SEMA5A: variants seen among roughly 807,000 people sequenced by gnomAD.
The protein encoded by SEMA5A is semaphorin-5A.
SEMA5A carries 55 observed loss-of-function variants against 135.5 expected under a neutral mutation model. That is an observed-to-expected ratio of 0.41 (90% CI 0.33 to 0.51). The LOEUF is 0.51. Ranked by LOEUF, SEMA5A falls within the 20% of genes least tolerant of loss-of-function variation. The probability of loss-of-function intolerance (pLI) is 0.37; values close to 1 mark genes in which losing one functional copy is unlikely to be tolerated. For missense variants in SEMA5A, 1,290 were observed against 1,419.9 expected, an observed-to-expected ratio of 0.91 and a Z score of 1.47; for synonymous variants, 580 against 546.5, an observed-to-expected ratio of 1.06 and a Z score of -0.85.
At chr5:9,308,577 G>A (rs1241067382) in intron 5 of SEMA5A, among the ~76,000 whole-genome samples, 1 of 151,992 alleles carries the variant, frequency 6.6e-6, no homozygotes, top group Admixed American at 6.6e-5. Flanking sequence ...TGTTTCCAGG[G>A]TACCAAACCT....
intron 5 of SEMA5A, among the ~76,000 whole-genome samples, chr5:9,242,917 T>C (rs761748361): frequency 6.6e-6 from 1 of 152,226 alleles, no homozygotes; most frequent in Non-Finnish European, 1.5e-5. Flanking sequence ...ACTTTAGAAA[T>C]ACCTATGAAA....
chr5:9,281,823 CTT>C (rs66509315), intron 5 of SEMA5A, among the ~76,000 whole-genome samples: 1,669 of 121,678 alleles, frequency 0.014, 13 homozygotes, highest in Middle Eastern at 0.037. Flanking sequence ...GATACAGGCA[CTT>C]TTTTTTTTTT....
At chr5:9,211,983 C>G (rs1286753605) in intron 8 of SEMA5A, among the ~76,000 whole-genome samples, 1 of 152,166 alleles carries the variant, frequency 6.6e-6, no homozygotes, top group African/African-American at 2.4e-5. Context: ...CCTGGGAGAA[C>G]TCAGTGGGAT....
intron 4 of SEMA5A, among the ~76,000 whole-genome samples, chr5:9,322,106 T>C (rs1041574894): frequency 3.9e-5 from 6 of 152,166 alleles, no homozygotes; most frequent in African/African-American, 9.7e-5. Flanking sequence ...GTGTTTTCCA[T>C]AGAAGAAGAT....
At chr5:9,544,572 T>C (rs1278785508) in intron 1 of SEMA5A, among the ~76,000 whole-genome samples, 3 of 151,798 alleles carry the variant, frequency 2.0e-5, no homozygotes, top group Non-Finnish European at 2.9e-5. Flanking sequence ...GTTTGTTGCC[T>C]GGGACTCCCG....
At chr5:9,367,342 T>C (rs895261618) in intron 3 of SEMA5A, 2 of 152,128 alleles carry the variant, frequency 1.3e-5, no homozygotes, top group East Asian at 1.9e-4. Flanking sequence ...CTGTTTCTAA[T>C]TGTAGGAACA....
chr5:9,191,239 A>G (rs1481394018), intron 10 of SEMA5A, among the ~76,000 whole-genome samples: 1 of 152,176 alleles, frequency 6.6e-6, no homozygotes, highest in Non-Finnish European at 1.5e-5. Flanking sequence ...ATGGAGATGA[A>G]CCTGGGATAT....
intron 4 of SEMA5A, among the ~76,000 whole-genome samples, chr5:9,337,430 T>C (rs1383590482): frequency 2.0e-5 from 3 of 152,206 alleles, no homozygotes; most frequent in African/African-American, 7.2e-5. Flanking sequence ...GCAATGTTGA[T>C]AGTACCTACC....
At chr5:9,159,355 T>C (rs1393381490) in intron 11 of SEMA5A, among the ~76,000 whole-genome samples, 1 of 152,198 alleles carries the variant, frequency 6.6e-6, no homozygotes, top group Non-Finnish European at 1.5e-5. Context: ...GTGCTTTGAT[T>C]GCATTGTCCT....
At chr5:9,184,329 G>A (rs972200037) in intron 11 of SEMA5A, among the ~76,000 whole-genome samples, 7 of 151,250 alleles carry the variant, frequency 4.6e-5, no homozygotes, top group African/African-American at 1.7e-4. Flanking sequence ...CCTGGCTAGT[G>A]TTCCTTTATT....
At chr5:9,487,565 C>T (rs1561292135) in intron 1 of SEMA5A, among the ~76,000 whole-genome samples, 1 of 152,028 alleles carries the variant, frequency 6.6e-6, no homozygotes, top group East Asian at 1.9e-4. Context: ...GGTTAGAATT[C>T]CATAATAATT....
chr5:9,459,922 T>G (rs1175009658), intron 1 of SEMA5A, among the ~76,000 whole-genome samples: 2 of 152,236 alleles, frequency 1.3e-5, no homozygotes, highest in African/African-American at 4.8e-5. Context: ...AATCAGGCAT[T>G]GCAGATAACT....
At chr5:9,086,324 G>A (rs1738686414) in intron 16 of SEMA5A, among the ~76,000 whole-genome samples, 1 of 152,108 alleles carries the variant, frequency 6.6e-6, no homozygotes, top group Non-Finnish European at 1.5e-5. Context: ...ATCTCATCTT[G>A]TAGCTCCCAT....
chr5:9,282,853 T>A (rs375684818), intron 5 of SEMA5A, among the ~76,000 whole-genome samples: 1 of 152,144 alleles, frequency 6.6e-6, no homozygotes, highest in Non-Finnish European at 1.5e-5. Flanking sequence ...TTATGCTTCA[T>A]GGCAAGGGGG....
chr5:9,433,755 C>A lies in SEMA5A; in HGVS notation c.-78+4001G>T, dbSNP rs144599501. Reference sequence around the variant, plus strand: ...AAATTGACTAAAACAATTAATAATACTACTCAAAGTTTTTGAGTAATGATA... The same window carrying A: ...AAATTGACTAAAACAATTAATAATAATACTCAAAGTTTTTGAGTAATGATA... On this transcript the variant is annotated intron_variant, in intron 2 of 22. Coordinates refer to ENST00000382496, the MANE Select transcript of SEMA5A (RefSeq NM_003966.3). Among the ~76,000 whole-genome samples the A allele has an allele frequency of 5.9e-3, 898 of 151,846 alleles. 10 individuals carry two copies. Among genetic ancestry groups the A allele is most frequent in the African/African-American group, 0.02 (846 of 41,440 alleles).
rs561016248 is a variant in SEMA5A at position 9,479,967 on chromosome 5, A to G, written c.-174-42115T>C. On this transcript the variant is annotated intron_variant, in intron 1 of 22. Coordinates refer to ENST00000382496, the MANE Select transcript of SEMA5A (RefSeq NM_003966.3). ...AAAGAATGAATGAACTGCCCACCTA[A>G]GAAATCCTCTGATAAATGTTCTTTT... Among the ~76,000 whole-genome samples, 29 of 152,358 alleles carry G rather than the reference A, an allele frequency of 1.9e-4. 1 individual carries two copies. The highest frequency in any genetic ancestry group is 1.7e-3 in the South Asian group (8 of 4,832).
chr5:9,515,421 G>A (rs577279982), intron 1 of SEMA5A, among the ~76,000 whole-genome samples: 10 of 152,276 alleles, frequency 6.6e-5, no homozygotes, highest in African/African-American at 2.4e-4. Flanking sequence ...TTAACATAGG[G>A]CAGCTTAATT....
intron 8 of SEMA5A, among the ~76,000 whole-genome samples, chr5:9,206,680 A>G (rs1579613162): frequency 6.6e-6 from 1 of 152,002 alleles, no homozygotes; most frequent in East Asian, 2.0e-4. Context: ...AAAGGCACAA[A>G]GGAATCCCAA....
At chr5:9,447,460 A>G (rs1758475329) in intron 1 of SEMA5A, among the ~76,000 whole-genome samples, 1 of 152,222 alleles carries the variant, frequency 6.6e-6, no homozygotes, top group Non-Finnish European at 1.5e-5. Context: ...CTCCTGAATC[A>G]GTCCCAATGA....
Sources: allele counts gnomAD v4.1 joint callset (sites outside exome capture counted in the v4.1 genomes callset), GRCh38; gene constraint gnomAD v4.1.1; transcripts MANE v1.5; gene names NCBI Gene and HGNC (gene_info 2026-07-23, HGNC 2026-07-21).